The following KCNT2 variants were observed in gnomAD, a reference collection of about 807,000 sequenced individuals.
The protein encoded by KCNT2 is potassium channel subfamily T member 2.
A neutral mutation model predicts 153.8 loss-of-function variants in KCNT2; 67 were observed. The observed-to-expected ratio is 0.44, with a 90% CI of 0.36 to 0.53. The LOEUF (loss-of-function observed/expected upper bound fraction) is 0.53, where lower values mean the gene tolerates loss of function less well. KCNT2 is among the 20% of genes least tolerant of loss of function. The pLI, the probability that KCNT2 is intolerant of heterozygous loss-of-function variation, is 0.00. For missense variants in KCNT2, 975 were observed against 1,354.8 expected (o/e 0.72, Z 4.40); for synonymous variants, 500 against 458.8 (o/e 1.09, Z -1.15).
intron 25 of KCNT2, among the ~76,000 whole-genome samples, chr1:196,275,116 T>A (rs1297242997): frequency 6.6e-6 from 1 of 151,924 alleles, no homozygotes; most frequent in Non-Finnish European, 1.5e-5. Flanking sequence ...ACTAAATGAC[T>A]TCAGGGAGCC....
At chr1:196,479,136 G>T in intron 5 of KCNT2, 43 bp downstream of exon 5, 1 of 1,194,980 alleles carries the variant, frequency 8.4e-7, no homozygotes, top group Non-Finnish European at 1.2e-6. Flanking sequence ...AAATACTACA[G>T]ATGTGTTCTA....
chr1:196,414,069 A>C (rs1429189274), intron 12 of KCNT2, among the ~76,000 whole-genome samples: 1 of 151,686 alleles, frequency 6.6e-6, no homozygotes, highest in African/African-American at 2.4e-5. Context: ...GTACCATACC[A>C]AGGAACATCA....
At chr1:196,543,254 G>C (rs1374250305) in intron 1 of KCNT2, among the ~76,000 whole-genome samples, 1 of 152,078 alleles carries the variant, frequency 6.6e-6, no homozygotes, top group South Asian at 2.1e-4. Flanking sequence ...TATCCCATCT[G>C]TCTTTCAGCA....
intron 19 of KCNT2, among the ~76,000 whole-genome samples, chr1:196,320,552 G>A (rs893424443): frequency 3.3e-4 from 50 of 151,718 alleles, no homozygotes; most frequent in African/African-American, 1.2e-3. Flanking sequence ...AGCATATGAG[G>A]AGGAGAAGAA....
intron 1 of KCNT2, among the ~76,000 whole-genome samples, chr1:196,602,843 G>A (rs1456101554): frequency 7.1e-6 from 1 of 140,712 alleles, no homozygotes; most frequent in African/African-American, 2.8e-5. Context: ...GCGGACTGCA[G>A]TGGCGCAATC....
intron 12 of KCNT2, among the ~76,000 whole-genome samples, chr1:196,400,948 A>G (rs1201034602): frequency 6.6e-6 from 1 of 151,812 alleles, no homozygotes; most frequent in Non-Finnish European, 1.5e-5. Context: ...ACAACAGCAC[A>G]AGTTGGCTAA....
chr1:196,503,101 G>C (rs942849948), intron 1 of KCNT2, among the ~76,000 whole-genome samples: 1 of 151,466 alleles, frequency 6.6e-6, no homozygotes, highest in Non-Finnish European at 1.5e-5. Context: ...ACAGAATTTA[G>C]GCCTGTAATA....
intron 8 of KCNT2, among the ~76,000 whole-genome samples, chr1:196,435,166 T>TTC (rs1674538998): frequency 7.6e-6 from 1 of 131,786 alleles, no homozygotes; most frequent in Admixed American, 7.7e-5. Flanking sequence ...TATATATATA[T>TTC]ATATATATAT....
intron 14 of KCNT2, among the ~76,000 whole-genome samples, chr1:196,355,173 A>T (rs1667071305): frequency 6.6e-6 from 1 of 151,628 alleles, no homozygotes; most frequent in African/African-American, 2.4e-5. Context: ...CGGATGCAGA[A>T]TATCTAGAAA....
chr1:196,474,204 A>G (rs1184569232), intron 5 of KCNT2, among the ~76,000 whole-genome samples: 1 of 152,160 alleles, frequency 6.6e-6, no homozygotes, highest in African/African-American at 2.4e-5. Flanking sequence ...GAACCTTGGA[A>G]CTACTATCTG....
chr1:196,491,497 T>C (rs1679856475), intron 2 of KCNT2, among the ~76,000 whole-genome samples: 1 of 151,960 alleles, frequency 6.6e-6, no homozygotes, highest in Non-Finnish European at 1.5e-5. Flanking sequence ...CTACACCAAC[T>C]AATGCAGGCC....
chr1:196,487,328 G>T (rs1175464823), intron 3 of KCNT2, among the ~76,000 whole-genome samples: 1 of 151,716 alleles, frequency 6.6e-6, no homozygotes, highest in Non-Finnish European at 1.5e-5. Flanking sequence ...CTGAAATCAG[G>T]ATGCAAAGAT....
chr1:196,396,252 A>G (rs1195375466), intron 13 of KCNT2, among the ~76,000 whole-genome samples: 1 of 151,678 alleles, frequency 6.6e-6, no homozygotes, highest in East Asian at 1.9e-4. Flanking sequence ...CAGAACCAGT[A>G]TGACCTTTTA....
chr1:196,301,143 A>G (rs2147961580), intron 22 of KCNT2, among the ~76,000 whole-genome samples: 1 of 152,224 alleles, frequency 6.6e-6, no homozygotes, highest in Non-Finnish European at 1.5e-5. Context: ...GTCACAAACC[A>G]TTGTCTGCTC....
At chr1:196,365,309 T>C (rs746512757) in intron 14 of KCNT2, among the ~76,000 whole-genome samples, 63 of 144,422 alleles carry the variant, frequency 4.4e-4, no homozygotes, top group Non-Finnish European at 8.7e-4. Context: ...CAATTCTTTA[T>C]ATTGTTCATT....
intron 22 of KCNT2, among the ~76,000 whole-genome samples, chr1:196,294,906 G>A (rs114137457): frequency 0.049 from 7,501 of 151,544 alleles, 284 homozygotes; most frequent in Non-Finnish European, 0.071. Flanking sequence ...CTGGTGGAAG[G>A]GCATAAGGGG....
chr1:196,495,551 A>T (rs2148745194), intron 1 of KCNT2, among the ~76,000 whole-genome samples: 1 of 146,730 alleles, frequency 6.8e-6, no homozygotes, highest in Admixed American at 6.9e-5. Flanking sequence ...TTTTCTTCTG[A>T]CCTCCCTACC....
Position 196,587,671 on chromosome 1 carries a change from GA to G in KCNT2, c.95+20543del, listed in dbSNP as rs564452820. Among the ~76,000 whole-genome samples the G allele has an allele frequency of 4.4e-3, 674 of 151,592 alleles. 3 individuals are homozygous for G. The highest frequency in any genetic ancestry group is 0.015 in the African/African-American group (614 of 41,388). The stretch of plus-strand genomic sequence containing the variant: ...CATATTTTTATGTAAGTACTCAATA[GA>G]AAAAAAATTACTTTCCATTTAAACT... On this transcript the variant is annotated intron_variant, in intron 1 of 27. Coordinates refer to ENST00000294725, the MANE Select transcript of KCNT2 (RefSeq NM_198503.5).
chr1:196,367,239 T>A (rs766109688), intron 14 of KCNT2, among the ~76,000 whole-genome samples: 1 of 152,080 alleles, frequency 6.6e-6, no homozygotes, highest in Non-Finnish European at 1.5e-5. Context: ...TAAAAAAAAA[T>A]CATGTAGTAA....
Sources: gnomAD v4.1 joint callset for allele counts (sites outside exome capture counted in the v4.1 genomes callset) on GRCh38, gnomAD v4.1.1 for gene constraint, MANE v1.5 for transcripts, NCBI Gene and HGNC (gene_info 2026-07-23, HGNC 2026-07-21) for gene names.